The following FAF1 variants were observed in gnomAD, a reference collection of about 807,000 sequenced individuals.
FAF1 encodes the protein FAS-associated factor 1.
Under a neutral mutation model 92.5 loss-of-function variants are expected in FAF1, and 25 were observed. The observed-to-expected ratio is 0.27, with a 90% CI of 0.20 to 0.38. The LOEUF is 0.38. FAF1 is among the 10% of genes least tolerant of loss of function. FAF1 has a pLI of 1.00. For synonymous variants in FAF1, 234 were observed against 273.2 expected (o/e 0.86, Z 1.42); for missense variants, 636 against 793.3 (o/e 0.80, Z 2.38).
chr1:50,929,362 T>A (rs1645031617), intron 1 of FAF1, among the ~76,000 whole-genome samples: 1 of 152,170 alleles, frequency 6.6e-6, no homozygotes, highest in Admixed American at 6.5e-5. Context: ...TTATCCTGGA[T>A]AGTTTTAAAA....
chr1:50,728,861 T>C (rs1384388293), intron 6 of FAF1, among the ~76,000 whole-genome samples: 2 of 149,998 alleles, frequency 1.3e-5, no homozygotes, highest in Non-Finnish European at 3.0e-5. Context: ...AATCAAGCTG[T>C]AGTTTTATGG....
In FAF1 at chr1:50,475,556, T is replaced by C. The variant is rs1259334134; in HGVS notation, c.1777A>G (p.Ser593Gly). 3 of 1,614,066 alleles carry C rather than the reference T, an allele frequency of 1.9e-6. No individual in the cohort carries two copies. The change falls in exon 18 of 19, where the codon AGC becomes GGC. Residue 593 changes from serine (S) to glycine (G), a missense_variant. Ser to Gly is a moderately conservative substitution (Grantham distance 56). Around this residue, in one of 2 missense-constraint regions of FAF1, gnomAD observed 319 missense variants for 451.0 expected, o/e 0.71. Transcript: ENST00000396153. ...TCAAAGACAATCTGGAGCTTGTTGC[T>C]GGCCAGGAAACGCCGCTCCAAGAAC... ...GEFLERRFLASNKLQIVFDFV... is the reference protein window; with the variant it reads ...GEFLERRFLAGNKLQIVFDFV...
chr1:50,717,952 A>G (rs1222724771), intron 6 of FAF1, among the ~76,000 whole-genome samples: 1 of 152,098 alleles, frequency 6.6e-6, no homozygotes, highest in East Asian at 1.9e-4. Context: ...TTACAGTTAC[A>G]TGGGCCCTAT....
intron 15 of FAF1, among the ~76,000 whole-genome samples, chr1:50,492,917 A>T (rs1293686237): frequency 6.6e-6 from 1 of 152,212 alleles, no homozygotes; most frequent in African/African-American, 2.4e-5. Flanking sequence ...TCAAATAAAA[A>T]TTAGAAAGAA....
intron 13 of FAF1, among the ~76,000 whole-genome samples, chr1:50,563,290 G>A (rs936480313): frequency 6.6e-6 from 1 of 152,018 alleles, no homozygotes; most frequent in African/African-American, 2.4e-5. Flanking sequence ...TTAGAACGGG[G>A]CATGGTGTCA....
chr1:50,559,306 T>G (rs553369549), intron 13 of FAF1, among the ~76,000 whole-genome samples: 1 of 152,214 alleles, frequency 6.6e-6, no homozygotes, highest in Non-Finnish European at 1.5e-5. Context: ...TATAAACAGT[T>G]TAGCCATCAA....
chr1:50,512,251 C>T (rs1647145990), intron 15 of FAF1, among the ~76,000 whole-genome samples: 1 of 152,084 alleles, frequency 6.6e-6, no homozygotes, highest in Non-Finnish European at 1.5e-5. Context: ...TAATTAGATC[C>T]CATTTGTCAG....
In FAF1 at chr1:50,647,486, G is replaced by A. The variant is rs756679230; in HGVS notation, c.744+7956C>T. Among the ~76,000 whole-genome samples, 4 of 151,976 alleles carry A rather than the reference G, an allele frequency of 2.6e-5. No individual in the cohort carries two copies. The South Asian group carries it at 6.2e-4, about 24-fold the overall frequency. The stretch of plus-strand genomic sequence containing the variant: ...ATGATTCTGGAGGCTGCCAATTTGC[G>A]AATCATTTTTTTTTCTTGTTCAATT... On this transcript the variant is annotated intron_variant, in intron 8 of 18. Transcript: ENST00000396153.
At chr1:50,923,396 A>G (rs900412850) in intron 1 of FAF1, among the ~76,000 whole-genome samples, 1 of 152,194 alleles carries the variant, frequency 6.6e-6, no homozygotes, top group Non-Finnish European at 1.5e-5. Flanking sequence ...CCTGGGTGAC[A>G]GGGTAAGACC....
intron 13 of FAF1, among the ~76,000 whole-genome samples, chr1:50,559,024 G>A (rs978974663): frequency 1.3e-5 from 2 of 152,188 alleles, no homozygotes; most frequent in East Asian, 1.9e-4. Flanking sequence ...GCCAATGCAG[G>A]TGGATCACCT....
At chr1:50,577,959 A>G (rs1333327072) in intron 12 of FAF1, among the ~76,000 whole-genome samples, 1 of 152,244 alleles carries the variant, frequency 6.6e-6, no homozygotes, top group Non-Finnish European at 1.5e-5. Context: ...AGTGCTCTCA[A>G]ATGAAATCAG....
intron 4 of FAF1, among the ~76,000 whole-genome samples, chr1:50,757,987 A>G (rs1660148046): frequency 6.6e-6 from 1 of 152,070 alleles, no homozygotes; most frequent in South Asian, 2.1e-4. Flanking sequence ...GCATGAGCTC[A>G]GCTCACTGCA....
intron 5 of FAF1, among the ~76,000 whole-genome samples, chr1:50,743,031 C>T (rs1164664149): frequency 1.3e-5 from 2 of 152,244 alleles, no homozygotes; most frequent in African/African-American, 2.4e-5. Context: ...CGATGTTTCA[C>T]ATATTGTCTA....
chr1:50,944,030 C>T (rs1442338983), intron 1 of FAF1, among the ~76,000 whole-genome samples: 1 of 152,212 alleles, frequency 6.6e-6, no homozygotes, highest in African/African-American at 2.4e-5. Flanking sequence ...TGAATGATGG[C>T]AGTCAGTCCA....
At chr1:50,654,647 TA>T (rs1171623510) in intron 8 of FAF1, among the ~76,000 whole-genome samples, 1 of 152,200 alleles carries the variant, frequency 6.6e-6, no homozygotes, top group Non-Finnish European at 1.5e-5. Context: ...TTATTAACTA[TA>T]AAAATTAACT....
intron 12 of FAF1, among the ~76,000 whole-genome samples, chr1:50,581,638 G>C (rs1056147978): frequency 6.6e-6 from 1 of 152,138 alleles, no homozygotes; most frequent in African/African-American, 2.4e-5. Context: ...TAAGCAGAGG[G>C]TTTTTCACTG....
intron 7 of FAF1, among the ~76,000 whole-genome samples, chr1:50,703,949 C>T (rs1014311620): frequency 6.6e-6 from 1 of 152,098 alleles, no homozygotes; most frequent in African/African-American, 2.4e-5. Flanking sequence ...AACTCGATTT[C>T]GGAAATATTT....
intron 2 of FAF1, among the ~76,000 whole-genome samples, chr1:50,852,614 T>G (rs1644360370): frequency 6.6e-6 from 1 of 152,148 alleles, no homozygotes; most frequent in Non-Finnish European, 1.5e-5. Flanking sequence ...TAAGTAATCT[T>G]AAAATGTGGT....
chr1:50,636,379 CTTTTTT>C (rs1213567555), intron 8 of FAF1, among the ~76,000 whole-genome samples: 3 of 79,890 alleles, frequency 3.8e-5, no homozygotes, highest in African/African-American at 5.6e-5. Flanking sequence ...GGGGCGTGTC[CTTTTTT>C]TTTTTTTTTT....
Sources: allele counts gnomAD v4.1 joint callset (sites outside exome capture counted in the v4.1 genomes callset), GRCh38; gene constraint gnomAD v4.1.1; regional missense constraint gnomAD v4.1.1; transcripts MANE v1.5; gene names NCBI Gene and HGNC (gene_info 2026-07-23, HGNC 2026-07-21).